The following MEX3C variants were observed in gnomAD, a reference collection of about 807,000 sequenced individuals.
MEX3C encodes mex-3 RNA binding family member C.
A neutral mutation model predicts 35.5 loss-of-function variants in MEX3C; 15 were observed. The observed-to-expected ratio is 0.42, with a 90% CI of 0.28 to 0.65. MEX3C has a LOEUF of 0.65. Among genes scored for constraint, MEX3C ranks in the 30% least tolerant of loss-of-function variants. MEX3C has a pLI of 0.20. For synonymous variants in MEX3C, 390 were observed against 352.8 expected (o/e 1.11, Z -1.18); for missense variants, 711 against 842.8 (o/e 0.84, Z 1.94).
intron 1 of MEX3C, among the ~76,000 whole-genome samples, chr18:51,178,891 A>C (rs1041835040): frequency 6.6e-6 from 1 of 151,250 alleles, no homozygotes; most frequent in African/African-American, 2.4e-5. Context: ...AACAAACAAA[A>C]AAAGAAGCTA....
At chr18:51,189,550 C>T (rs1912610083) in intron 1 of MEX3C, among the ~76,000 whole-genome samples, 1 of 152,054 alleles carries the variant, frequency 6.6e-6, no homozygotes, top group Non-Finnish European at 1.5e-5. Flanking sequence ...ATCTAAAACC[C>T]CTCTTTTTTC....
intron 1 of MEX3C, among the ~76,000 whole-genome samples, chr18:51,182,823 G>C (rs956095276): frequency 6.6e-6 from 1 of 152,156 alleles, no homozygotes; most frequent in Non-Finnish European, 1.5e-5. Flanking sequence ...AATTCAGTAG[G>C]TGCAGTCAGC....
At position 51,197,216 on chromosome 18, in the gene MEX3C, G is replaced by A. The variant is rs553635844; in HGVS notation, c.105C>T (p.Pro35=). Reference sequence around the variant, plus strand: ...CCCCCTCGAGCTCCGGGCCGCCCGAGGGCGGCGGCAGAGGCGGCGGTGGCG... The same window carrying A: ...CCCCCTCGAGCTCCGGGCCGCCCGAAGGCGGCGGCAGAGGCGGCGGTGGCG... ...PPPPPPPLPP[P]SGGPELEGDG... The change falls in exon 1 of 2, where the codon CCC becomes CCT. Residue 35 remains proline (P), a synonymous_variant. Coordinates refer to ENST00000406189, the MANE Select transcript of MEX3C (RefSeq NM_016626.5). The A allele has an allele frequency of 3.0e-6, 3 of 1,005,556 alleles. No individual in the cohort carries two copies. The highest frequency in any genetic ancestry group is 3.5e-6 in the Non-Finnish European group (3 of 845,700). The allele number at this position is 1,005,556 out of a possible 1,614,324, so 62.3% of individuals were successfully genotyped here.
intron 1 of MEX3C, among the ~76,000 whole-genome samples, chr18:51,184,070 GGAA>G (rs1912484100): frequency 6.6e-6 from 1 of 152,148 alleles, no homozygotes; most frequent in Non-Finnish European, 1.5e-5. Context: ...TGGCTAACCT[GGAA>G]GAAGAAAGCA....
intron 1 of MEX3C, among the ~76,000 whole-genome samples, chr18:51,182,323 T>C (rs1327666467): frequency 6.6e-6 from 1 of 152,268 alleles, no homozygotes; most frequent in East Asian, 1.9e-4. Flanking sequence ...AACAGCAGGG[T>C]AAATGATTTC....
rs1331726908 is a variant in MEX3C, at chr18:51,196,765, C to T, written c.556G>A (p.Val186Met). Residue 186 changes from valine to methionine, a missense_variant, in exon 1 of 2, where the codon GTG becomes ATG. Val to Met is a conservative substitution (Grantham distance 21, BLOSUM62 1). Coordinates refer to ENST00000406189, the MANE Select transcript of MEX3C (RefSeq NM_016626.5). Reference protein sequence around the residue: ...EAAAAAAAAGVLYGGDDAQGM... With the variant: ...EAAAAAAAAGMLYGGDDAQGM... Reference sequence around the variant, plus strand: ...TGGGCATCGTCCCCTCCGTACAGCACCCCCGCCGCCGCCGCCGCGGCCGCC... The same window carrying T: ...TGGGCATCGTCCCCTCCGTACAGCATCCCCGCCGCCGCCGCCGCGGCCGCC... 8 of 1,494,416 alleles carry T rather than the reference C, an allele frequency of 5.4e-6. No individual in the cohort carries two copies. The highest frequency in any genetic ancestry group is 2.4e-5 in the South Asian group (2 of 81,654). The allele number at this position is 1,494,416 out of a possible 1,614,324, so 92.6% of individuals were successfully genotyped here. A position where few individuals can be genotyped will look rare whatever the true frequency, so the allele number is the denominator to read the frequency against.
In MEX3C at chr18:51,196,712, G is replaced by C; in HGVS notation, c.609C>G (p.His203Gln). ...CCCCACAACCGCCGGGGCCGTAGGCGTGGGACAGCATCGCCGCCATCATGC... is the reference window on the plus strand; with the variant it reads ...CCCCACAACCGCCGGGGCCGTAGGCCTGGGACAGCATCGCCGCCATCATGC... ...AQGMMAAMLS[H>Q]AYGPGGCGAA... The change falls in exon 1 of 2, where the codon CAC becomes CAG. Residue 203 changes from histidine to glutamine, a missense_variant. His to Gln is a conservative substitution (Grantham distance 24). This residue lies in a region of MEX3C where 354 missense variants were observed against 311.6 expected (regional missense o/e 1.14). Transcript: ENST00000406189. 1.3e-6 allele frequency: 2 copies of C among 1,537,330 alleles called. No homozygotes were observed. The highest frequency in any genetic ancestry group is 1.4e-5 in the African/African-American group (1 of 72,734).
chr18:51,178,838 C>A (rs1912361053), intron 1 of MEX3C, among the ~76,000 whole-genome samples: 1 of 144,648 alleles, frequency 6.9e-6, no homozygotes, highest in Non-Finnish European at 1.5e-5. Context: ...CCAGCCTGGG[C>A]AACAAGAGTG....
At chr18:51,180,093 TAAAAG>T (rs1912391846) in intron 1 of MEX3C, among the ~76,000 whole-genome samples, 1 of 147,900 alleles carries the variant, frequency 6.8e-6, no homozygotes, top group African/African-American at 2.5e-5. Context: ...TGAAAATAAA[TAAAAG>T]AAAAAAAAGG....
Position 51,197,118 on chromosome 18 carries a change from G to A in MEX3C, c.203C>T (p.Pro68Leu). 1 of 1,120,074 alleles carries A rather than the reference G, an allele frequency of 8.9e-7. No individual in the cohort carries two copies. The highest frequency in any genetic ancestry group is 1.1e-6 in the Non-Finnish European group (1 of 920,958). 69.4% of individuals were successfully genotyped at this position (1,120,074 alleles called of 1,614,324 possible). Residue 68 changes from proline (P) to leucine (L), a missense_variant, in exon 1 of 2, where the codon CCG becomes CTG. Physicochemically the swap from Pro to Leu is moderately conservative, Grantham distance 98. Around this residue, in one of 4 missense-constraint regions of MEX3C, gnomAD observed 354 missense variants for 311.6 expected, o/e 1.14. Coordinates refer to ENST00000406189, the MANE Select transcript of MEX3C (RefSeq NM_016626.5). ...DDPSPAEPGA[P>L]ALRAPAAAAQ... Reference sequence around the variant, plus strand: ...CGCCGCTGCCGGGGCCCGAAGCGCCGGGGCGCCGGGCTCCGCCGGGCTGGG... The same window carrying A: ...CGCCGCTGCCGGGGCCCGAAGCGCCAGGGCGCCGGGCTCCGCCGGGCTGGG...
chr18:51,176,290 C>A lies in MEX3C; in HGVS notation c.*61G>T. On this transcript the variant is annotated 3_prime_UTR_variant, in exon 2 of 2. Transcript: ENST00000406189. The stretch of plus-strand genomic sequence containing the variant: ...CATTAGGAAGTTTACTGGGGGGTAC[C>A]ATTATACCCATGCCTTTACGAGTCC... The A allele has an allele frequency of 2.1e-6, 3 of 1,406,704 alleles. No individual in the cohort carries two copies. Among genetic ancestry groups the A allele is most frequent in the Non-Finnish European group, 9.6e-7 (1 of 1,043,366 alleles). 87.1% of individuals were successfully genotyped at this position (1,406,704 alleles called of 1,614,324 possible).
chr18:51,185,934 T>C (rs1912528394), intron 1 of MEX3C, among the ~76,000 whole-genome samples: 2 of 151,778 alleles, frequency 1.3e-5, no homozygotes, highest in African/African-American at 4.8e-5. Context: ...AAATATCAAA[T>C]AGGGAGAAAA....
In MEX3C at chr18:51,176,145, T is replaced by A. The variant is rs1396605805; in HGVS notation, c.*206A>T. On this transcript the variant is annotated 3_prime_UTR_variant, in exon 2 of 2. Transcript: ENST00000406189. ...TGGGTCTACAGGATAGTACTAATAA[T>A]TCAAACCAAACTAATAGACAAGAGA... 1 of 521,254 alleles carries A rather than the reference T, an allele frequency of 1.9e-6. No homozygotes were observed. Among genetic ancestry groups the A allele is most frequent in the African/African-American group, 1.9e-5 (1 of 52,146 alleles). 32.3% of individuals were successfully genotyped at this position (521,254 alleles called of 1,614,324 possible). A position where few individuals can be genotyped will look rare whatever the true frequency, so the allele number is the denominator to read the frequency against.
chr18:51,178,691 CT>C, intron 1 of MEX3C, among the ~76,000 whole-genome samples: 1 of 151,890 alleles, frequency 6.6e-6, no homozygotes, highest in South Asian at 2.1e-4. Flanking sequence ...GAAACCCCGT[CT>C]TTACTAAATA....
At chr18:51,182,782 C>T (rs970647924) in intron 1 of MEX3C, among the ~76,000 whole-genome samples, 2 of 152,308 alleles carry the variant, frequency 1.3e-5, no homozygotes, top group Admixed American at 1.3e-4. Flanking sequence ...AGGTAATCTT[C>T]AGTGTTTTTC....
At chr18:51,188,721 T>G (rs1228244875) in intron 1 of MEX3C, among the ~76,000 whole-genome samples, 4 of 152,122 alleles carry the variant, frequency 2.6e-5, no homozygotes, top group Admixed American at 2.6e-4. Context: ...AGAAAAAAAT[T>G]TAGTTCAATA....
chr18:51,178,299 C>G (rs981310043), intron 1 of MEX3C, among the ~76,000 whole-genome samples: 1 of 151,880 alleles, frequency 6.6e-6, no homozygotes, highest in Non-Finnish European at 1.5e-5. Flanking sequence ...ACCCCAAATC[C>G]TAAGTATATT....
At position 51,177,056 on chromosome 18, in the gene MEX3C, C is replaced by A; in HGVS notation, c.1275G>T (p.Trp425Cys). The change falls in exon 2 of 2, where the codon TGG (tryptophan) becomes TGT (cysteine). Residue 425 changes from tryptophan (W) to cysteine (C), a missense_variant. Physicochemically the swap from Trp to Cys is radical, Grantham distance 215 (BLOSUM62 -2). This residue lies in a region of MEX3C where 187 missense variants were observed against 201.7 expected (regional missense o/e 0.93). Transcript: ENST00000406189. This position sits in a 1 kb window ranked among gnomAD's most constrained non-coding sequence, Gnocchi z 4.2. The part of the protein sequence containing the change: ...SFEGGTLGSA[W>C]LSSNPVPPSR... ...TAGGAGGAACAGGATTGGAGGAGAG[C>A]CACGCAGAGCCAAGAGTGCCACCTT... The A allele has an allele frequency of 6.2e-7, 1 of 1,613,932 alleles. No individual in the cohort carries two copies. Among genetic ancestry groups the A allele is most frequent in the Non-Finnish European group, 8.5e-7 (1 of 1,179,874 alleles).
chr18:51,196,837 G>A lies in MEX3C; in HGVS notation c.484C>T (p.Leu162=), dbSNP rs1183211150. The A allele has an allele frequency of 1.6e-5, 24 of 1,536,206 alleles. No homozygotes were observed. Among genetic ancestry groups the A allele is most frequent in the Admixed American group, 2.0e-5 (1 of 50,848 alleles). The change falls in exon 1 of 2, where the codon CTG becomes TTG. Residue 162 remains leucine (L), a synonymous_variant. Transcript: ENST00000406189. The part of the protein sequence containing the change: ...SQTQQIPGGS[L]GSVLLPAARF... ...GCGGCTGGCAGCAGCACAGACCCCA[G>A]GGACCCGCCCGGGATCTGCTGGGTC...
Sources: allele counts gnomAD v4.1 joint callset (sites outside exome capture counted in the v4.1 genomes callset), GRCh38; gene constraint gnomAD v4.1.1; regional missense constraint gnomAD v4.1.1; non-coding constraint Gnocchi (gnomAD v3.1); transcripts MANE v1.5; gene names NCBI Gene and HGNC (gene_info 2026-07-23, HGNC 2026-07-21).